Variants in SEL1L2 observed in about 807,000 individuals in gnomAD.
SEL1L2 encodes SEL1L2 adaptor subunit of SYVN1 ubiquitin ligase.
A neutral mutation model predicts 98.8 loss-of-function variants in SEL1L2; 89 were observed. The observed-to-expected ratio is 0.90, with a 90% CI of 0.76 to 1.07. The LOEUF (loss-of-function observed/expected upper bound fraction) is 1.07. Ranked by LOEUF, SEL1L2 falls within the 50% of genes least tolerant of loss-of-function variation. SEL1L2 has a pLI of 0.00. For synonymous variants in SEL1L2, 262 were observed against 278.5 expected (o/e 0.94, Z 0.59); for missense variants, 788 against 812.0 (o/e 0.97, Z 0.36).
At chr20:13,908,211 G>A (rs1275221119) in intron 5 of SEL1L2, among the ~76,000 whole-genome samples, 1 of 146,226 alleles carries the variant, frequency 6.8e-6, no homozygotes, top group Non-Finnish European at 1.5e-5. Context: ...TTGACCTCCT[G>A]GGCTCAAGTG....
intron 3 of SEL1L2, among the ~76,000 whole-genome samples, chr20:13,926,188 G>A (rs1344499903): frequency 6.6e-6 from 1 of 152,104 alleles, no homozygotes; most frequent in East Asian, 1.9e-4. Context: ...TGGTGCAGGC[G>A]CCCGTAGTCC....
chr20:13,971,981 T>G (rs1841008121), intron 1 of SEL1L2, among the ~76,000 whole-genome samples: 1 of 152,172 alleles, frequency 6.6e-6, no homozygotes, highest in Non-Finnish European at 1.5e-5. Flanking sequence ...AATTACTGTA[T>G]ATCTAATTAC....
intron 1 of SEL1L2, among the ~76,000 whole-genome samples, chr20:13,975,029 C>A (rs1428053343): frequency 6.6e-6 from 1 of 152,046 alleles, no homozygotes; most frequent in Non-Finnish European, 1.5e-5. Context: ...TCAATCCCAG[C>A]ATTATAATCT....
chr20:13,903,385 A>G (rs2047771670), intron 5 of SEL1L2, among the ~76,000 whole-genome samples: 1 of 152,116 alleles, frequency 6.6e-6, no homozygotes, highest in South Asian at 2.1e-4. Context: ...GAATTGTAAA[A>G]GTCTGTTTGG....
upstream of SEL1L2, among the ~76,000 whole-genome samples, chr20:13,993,572 G>A (rs2052576433): frequency 6.6e-6 from 1 of 152,174 alleles, no homozygotes. Context: ...TGACATGAAA[G>A]AAAAGATAAT....
At chr20:13,926,346 C>CA (rs1307210491) in intron 3 of SEL1L2, among the ~76,000 whole-genome samples, 2 of 151,788 alleles carry the variant, frequency 1.3e-5, no homozygotes, top group South Asian at 2.1e-4. Flanking sequence ...ATAAAAAATT[C>CA]AAAAAAAGTG....
chr20:13,852,562 G>A lies in SEL1L2; in HGVS notation c.1819-2243C>T, dbSNP rs376765607. 8.5e-5 allele frequency among the ~76,000 whole-genome samples: 13 copies of A among 152,300 alleles called. No individual in the cohort carries two copies. In the South Asian group the frequency reaches 2.7e-3, roughly 32 times the overall value. ...TGAAGATGACCACAGTTCATTAAAT[G>A]AGAAGTCCACTACATACCCAGTCCA... On this transcript the variant is annotated intron_variant, in intron 18 of 19. Transcript: ENST00000284951.
intron 1 of SEL1L2, among the ~76,000 whole-genome samples, chr20:13,966,759 TG>T (rs927451201): frequency 3.9e-5 from 6 of 152,216 alleles, no homozygotes; most frequent in Non-Finnish European, 8.8e-5. Context: ...TCCTACCTTT[TG>T]GAGTAAGTGT....
At chr20:13,895,514 C>A (rs1320015334) in intron 5 of SEL1L2, among the ~76,000 whole-genome samples, 2 of 149,032 alleles carry the variant, frequency 1.3e-5, no homozygotes, top group Non-Finnish European at 3.0e-5. Flanking sequence ...GGACAAAAGC[C>A]ATTGATGGAT....
At chr20:13,954,472 T>C (rs536700942) in intron 2 of SEL1L2, among the ~76,000 whole-genome samples, 1 of 152,310 alleles carries the variant, frequency 6.6e-6, no homozygotes, top group South Asian at 2.1e-4. Flanking sequence ...GAGTGAGATA[T>C]ACAATCTACA....
chr20:13,959,098 G>A (rs529077148), intron 1 of SEL1L2, among the ~76,000 whole-genome samples: 9 of 152,230 alleles, frequency 5.9e-5, no homozygotes, highest in East Asian at 1.9e-4. Flanking sequence ...ATGGTTGTTC[G>A]GCATTTGAAG....
intron 12 of SEL1L2, among the ~76,000 whole-genome samples, chr20:13,874,465 C>G (rs2046348338): frequency 6.6e-6 from 1 of 152,154 alleles, no homozygotes; most frequent in Non-Finnish European, 1.5e-5. Flanking sequence ...ACCCAGATCA[C>G]TGCTGGTTGG....
At chr20:13,915,141 T>C (rs1450020567) in intron 4 of SEL1L2, 3 of 1,289,646 alleles carry the variant, frequency 2.3e-6, no homozygotes, top group Admixed American at 2.3e-5. Flanking sequence ...AGCCCATCCA[T>C]GCTGAGGCTA....
intron 6 of SEL1L2, 82 bp downstream of exon 6, chr20:13,888,377 C>G: frequency 1.1e-6 from 1 of 912,996 alleles, no homozygotes; most frequent in Non-Finnish European, 1.7e-6. Context: ...GAGTGAGCCC[C>G]TTTACTTAAT....
At chr20:13,988,351 T>G (rs1259431305) in intron 1 of SEL1L2, among the ~76,000 whole-genome samples, 1 of 152,196 alleles carries the variant, frequency 6.6e-6, no homozygotes, top group Non-Finnish European at 1.5e-5. Flanking sequence ...AAAAACTGTT[T>G]TATTTATTTT....
chr20:13,932,719 C>T (rs913176594), intron 2 of SEL1L2, among the ~76,000 whole-genome samples: 34 of 152,292 alleles, frequency 2.2e-4, no homozygotes, highest in African/African-American at 8.2e-4. Context: ...GCATGAGCCA[C>T]CACACCCGGC....
At chr20:13,941,604 CCATTTACAGATAGGAGATTA>C (rs1356133449) in intron 2 of SEL1L2, among the ~76,000 whole-genome samples, 1 of 152,102 alleles carries the variant, frequency 6.6e-6, no homozygotes, top group Non-Finnish European at 1.5e-5. Flanking sequence ...ATAGGAGATT[CCATTTACAGATAGGAGATTA>C]CATTTACAGG....
chr20:13,893,451 C>A (rs970801599), intron 5 of SEL1L2, among the ~76,000 whole-genome samples: 1 of 152,088 alleles, frequency 6.6e-6, no homozygotes, highest in Non-Finnish European at 1.5e-5. Context: ...AAAAGGTTCG[C>A]TTCATTAGAA....
chr20:13,886,994 C>T lies in SEL1L2; in HGVS notation c.746-552G>A, dbSNP rs58389757. Among the ~76,000 whole-genome samples the T allele has an allele frequency of 4.9e-3, 751 of 152,126 alleles. 9 individuals are homozygous for T. Among genetic ancestry groups the T allele is most frequent in the African/African-American group, 0.017 (725 of 41,496 alleles). On this transcript the variant is annotated intron_variant, in intron 8 of 19. Transcript: ENST00000284951. ...TATCAGACTCTACTGAAGATCTTGA[C>T]CAAAAAGACTCAAGGAAAGGGGATA...
Sources: gnomAD v4.1 joint callset for allele counts (sites outside exome capture counted in the v4.1 genomes callset) on GRCh38, gnomAD v4.1.1 for gene constraint, MANE v1.5 for transcripts, NCBI Gene and HGNC (gene_info 2026-07-23, HGNC 2026-07-21) for gene names.